The following SLC38A12 variants were observed in gnomAD, a reference collection of about 807,000 sequenced individuals.
SLC38A12 encodes putative sodium-coupled neutral amino acid transporter 12.
At chr17:74,805,543 T>A in the SLC38A12 span, among the ~76,000 whole-genome samples, 1 of 152,214 alleles carries the variant, frequency 6.6e-6, no homozygotes, top group Non-Finnish European at 1.5e-5. This position sits in a 1 kb window ranked among gnomAD's most constrained non-coding sequence, Gnocchi z 5.0. Context: ...GGCTTGCTGA[T>A]GTCACTTCTC....
At chr17:74,836,841 C>G in the SLC38A12 span, 1 of 1,400,716 alleles carries the variant, frequency 7.1e-7, no homozygotes, top group Non-Finnish European at 9.2e-7. This position sits in a 1 kb window ranked among gnomAD's most constrained non-coding sequence, Gnocchi z 4.2. Context: ...GTTGTTCTCC[C>G]CACCCACCTT....
chr17:74,808,732 C>A, the SLC38A12 span, among the ~76,000 whole-genome samples: 1 of 152,208 alleles, frequency 6.6e-6, no homozygotes, highest in Non-Finnish European at 1.5e-5. Flanking sequence ...AGCTTGGAGA[C>A]AACAGGCGGG....
the SLC38A12 span, among the ~76,000 whole-genome samples, chr17:74,789,255 TG>T: frequency 1.2e-3 from 178 of 151,842 alleles, no homozygotes; most frequent in African/African-American, 3.9e-3. Context: ...CAGGGGCCGG[TG>T]GGGGGGCTCA....
At chr17:74,815,758 G>A in the SLC38A12 span, among the ~76,000 whole-genome samples, 2 of 152,182 alleles carry the variant, frequency 1.3e-5, no homozygotes, top group African/African-American at 4.8e-5. Context: ...ATCCATTCTC[G>A]GAAGTAGCAC....
chr17:74,819,721 C>T, the SLC38A12 span: 8 of 1,606,208 alleles, frequency 5.0e-6, no homozygotes, highest in Non-Finnish European at 6.0e-6. Context: ...GCGGCCTGCA[C>T]CCTCCTCACT....
At chr17:74,823,397 G>A in the SLC38A12 span, among the ~76,000 whole-genome samples, 1 of 152,238 alleles carries the variant, frequency 6.6e-6, no homozygotes, top group African/African-American at 2.4e-5. Context: ...AGGAGCCTTC[G>A]GGCCAGCTCC....
At chr17:74,819,009 C>T in the SLC38A12 span, among the ~76,000 whole-genome samples, 42 of 152,336 alleles carry the variant, frequency 2.8e-4, no homozygotes, top group African/African-American at 8.7e-4. Context: ...AACACTTTCC[C>T]CTGTTCTCCA....
the SLC38A12 span, chr17:74,777,459 G>C: frequency 1.3e-6 from 2 of 1,599,542 alleles, no homozygotes; most frequent in South Asian, 2.2e-5. Flanking sequence ...GATGGGACTA[G>C]TGAGTGCTGC....
At chr17:74,824,531 G>A in the SLC38A12 span, among the ~76,000 whole-genome samples, 5 of 152,214 alleles carry the variant, frequency 3.3e-5, no homozygotes, top group Admixed American at 2.0e-4. Context: ...TTCACCGACA[G>A]ATGCCTGCAG....
At chr17:74,813,072 T>A in the SLC38A12 span, among the ~76,000 whole-genome samples, 2 of 152,154 alleles carry the variant, frequency 1.3e-5, no homozygotes, top group African/African-American at 2.4e-5. Flanking sequence ...GCCTCAGTAG[T>A]GTTCATGGGA....
the SLC38A12 span, among the ~76,000 whole-genome samples, chr17:74,797,988 A>G: frequency 6.6e-6 from 1 of 152,158 alleles, no homozygotes; most frequent in East Asian, 1.9e-4. Context: ...CATCCCTTCT[A>G]GGGATGCCAC....
the SLC38A12 span, among the ~76,000 whole-genome samples, chr17:74,803,984 T>C: frequency 6.6e-6 from 1 of 152,232 alleles, no homozygotes; most frequent in Admixed American, 6.5e-5. Flanking sequence ...CTCCCAGTAG[T>C]TTGAGAGTAA....
the SLC38A12 span, among the ~76,000 whole-genome samples, chr17:74,788,162 A>AT: frequency 6.6e-6 from 1 of 152,200 alleles, no homozygotes; most frequent in Non-Finnish European, 1.5e-5. Context: ...GCAAGCGTCT[A>AT]ATGCCACCTC....
At chr17:74,827,405 C>T in the SLC38A12 span, among the ~76,000 whole-genome samples, 1 of 151,874 alleles carries the variant, frequency 6.6e-6, no homozygotes, top group Non-Finnish European at 1.5e-5. This position sits in a 1 kb window ranked among gnomAD's most constrained non-coding sequence, Gnocchi z 4.7. Context: ...AAGTGATTCT[C>T]CTGCCTCAGC....
the SLC38A12 span, chr17:74,836,365 C>G: frequency 6.2e-7 from 1 of 1,612,632 alleles, no homozygotes; most frequent in Non-Finnish European, 8.5e-7. The surrounding 1 kb of genome is among the most constrained non-coding windows in gnomAD (Gnocchi z 4.2). Context: ...GAGGGCGGCA[C>G]GTACCCGTGG....
At chr17:74,832,220 C>T in the SLC38A12 span, among the ~76,000 whole-genome samples, 1 of 152,110 alleles carries the variant, frequency 6.6e-6, no homozygotes, top group Admixed American at 6.5e-5. Context: ...TTCCTTTTCT[C>T]CCTTCCCTCC....
At chr17:74,803,284 G>A in the SLC38A12 span, among the ~76,000 whole-genome samples, 5 of 152,310 alleles carry the variant, frequency 3.3e-5, no homozygotes, top group South Asian at 2.1e-4. Flanking sequence ...CCCAAAGCCC[G>A]GTTGATGTTG....
chr17:74,836,738 C>T, the SLC38A12 span: 10 of 1,528,026 alleles, frequency 6.5e-6, no homozygotes, highest in African/African-American at 1.1e-4. The surrounding 1 kb of genome is among the most constrained non-coding windows in gnomAD (Gnocchi z 4.2). Flanking sequence ...CCCAGCCCCA[C>T]CCCTCGCCCG....
At chr17:74,805,973 TG>T in the SLC38A12 span, among the ~76,000 whole-genome samples, 1 of 152,214 alleles carries the variant, frequency 6.6e-6, no homozygotes, top group East Asian at 1.9e-4. The surrounding 1 kb of genome is among the most constrained non-coding windows in gnomAD (Gnocchi z 5.0). Context: ...AGCCATCAGA[TG>T]CCAGCTGGTT....
Sources: gnomAD v4.1 joint callset for allele counts (sites outside exome capture counted in the v4.1 genomes callset) on GRCh38, gnomAD v4.1.1 for gene constraint, Gnocchi (gnomAD v3.1) non-coding constraint, MANE v1.5 for transcripts, NCBI Gene and HGNC (gene_info 2026-07-23, HGNC 2026-07-21) for gene names.